ING1: variants seen among roughly 807,000 people sequenced by gnomAD.
ING1 encodes the protein inhibitor of growth family member 1, also known as inhibitor of growth protein 1.
ING1 carries 4 observed loss-of-function variants against 23.1 expected under a neutral mutation model. The observed-to-expected ratio is 0.17, with a 90% CI of 0.09 to 0.40. The LOEUF (loss-of-function observed/expected upper bound fraction) is 0.40, where lower values mean the gene tolerates loss of function less well. ING1 is among the 10% of genes least tolerant of loss of function. The pLI is 1.00. For synonymous variants in ING1, 179 were observed against 166.4 expected (o/e 1.08, Z -0.58); for missense variants, 256 against 393.8 (o/e 0.65, Z 2.96).
rs774395584 is a variant in ING1, at chr13:110,719,553, GCAA to G, written c.466_468del (p.Asn156del). On this transcript the variant is annotated inframe_deletion, in exon 2 of 2. Transcript: ENST00000333219. The surrounding 1 kb of genome is among the most constrained non-coding windows in gnomAD (Gnocchi z 8.9). ...AACAGCAAGCGCTCACGGCGGCAGC[GCAA>G]CAACGAGAACCGTGAGAACGCGTCC... The G allele has an allele frequency of 3.1e-6, 5 of 1,610,126 alleles. No individual in the cohort carries two copies. Among genetic ancestry groups the G allele is most frequent in the South Asian group, 1.1e-5 (1 of 90,874 alleles).
chr13:110,714,387 G>T, intron 1 of ING1, 102 bp downstream of exon 1: 37 of 1,150,454 alleles, frequency 3.2e-5, no homozygotes, highest in Non-Finnish European at 4.1e-5. Flanking sequence ...GGAGGAAGCG[G>T]CCGGCTCCGC....
intron 1 of ING1, chr13:110,715,722 A>G: frequency 1.9e-6 from 3 of 1,588,558 alleles, no homozygotes; most frequent in Non-Finnish European, 2.6e-6. Context: ...CGCCCTCCAA[A>G]TCGGCGATTC....
At chr13:110,713,322 G>A, upstream of ING1, 6 of 1,150,896 alleles carry the variant, frequency 5.2e-6, no homozygotes, top group Non-Finnish European at 6.4e-6. Flanking sequence ...GGAGGTTTCT[G>A]TCCCGCGGCC....
At chr13:110,715,815 C>T (rs764762395) in intron 1 of ING1, 17 of 1,585,494 alleles carry the variant, frequency 1.1e-5, no homozygotes, top group Non-Finnish European at 1.4e-5. Context: ...GGGTGTCGCC[C>T]CGGCCCCTCT....
chr13:110,715,054 CTG>C, intron 1 of ING1: 1 of 1,005,498 alleles, frequency 9.9e-7, no homozygotes, highest in Non-Finnish European at 1.2e-6. Flanking sequence ...TTGGAGAGGA[CTG>C]TGGCAGGTGA....
Position 110,720,162 on chromosome 13 carries a change from G to T in ING1, c.*230G>T. The stretch of plus-strand genomic sequence containing the variant: ...CAGCATTTTAGAAACTACAAATATA[G>T]GTTTGATTCAACACTTAAGTCTCAG... On this transcript the variant is annotated 3_prime_UTR_variant, in exon 2 of 2. Coordinates refer to ENST00000333219, the MANE Select transcript of ING1 (RefSeq NM_198219.3). 1 of 375,738 alleles carries T rather than the reference G, an allele frequency of 2.7e-6. No homozygotes were observed. 23.3% of individuals were successfully genotyped at this position (375,738 alleles called of 1,614,324 possible).
At chr13:110,712,931 C>T (rs1212346898), upstream of ING1, 1 of 1,556,810 alleles carries the variant, frequency 6.4e-7, no homozygotes, top group Non-Finnish European at 8.7e-7. Flanking sequence ...GGCGCAGGCG[C>T]GGGAGCCGCC....
At position 110,722,071 on chromosome 13, in the gene ING1, CTTTA is replaced by C. The variant is rs1313980983; in HGVS notation, c.*2143_*2146del. On this transcript the variant is annotated 3_prime_UTR_variant, in exon 2 of 2. Coordinates refer to ENST00000333219, the MANE Select transcript of ING1 (RefSeq NM_198219.3). ...ACTTGTGATAAACAATTATTGTGAA[CTTTA>C]TTTGTGCTGGACATAAGTGTCTGTT... The C allele has an allele frequency of 1.3e-5, 2 of 152,160 alleles. No homozygotes were observed. Among genetic ancestry groups the C allele is most frequent in the Non-Finnish European group, 2.9e-5 (2 of 68,016 alleles). The allele number at this position is 152,160 out of a possible 1,614,324, so 9.4% of individuals were successfully genotyped here.
intron 1 of ING1, among the ~76,000 whole-genome samples, chr13:110,716,903 G>T (rs867035633): frequency 5.3e-5 from 8 of 152,148 alleles, no homozygotes; most frequent in African/African-American, 1.9e-4. Flanking sequence ...GTACTTAGTG[G>T]CTTTGTTGAT....
upstream of ING1, chr13:110,713,528 G>A (rs1225307591): frequency 5.8e-5 from 57 of 986,284 alleles, no homozygotes; most frequent in Non-Finnish European, 6.6e-5. Context: ...AAAGTGACAG[G>A]CAAGGCCACG....
chr13:110,714,696 T>C (rs2064088125), intron 1 of ING1, among the ~76,000 whole-genome samples: 1 of 152,132 alleles, frequency 6.6e-6, no homozygotes, highest in African/African-American at 2.4e-5. Flanking sequence ...GGAGGGCGGC[T>C]GTGGGCCGGG....
intron 1 of ING1, chr13:110,715,134 G>A: frequency 8.9e-7 from 1 of 1,125,306 alleles, no homozygotes. Context: ...GCGAGTTCGT[G>A]TCCGCCGGGA....
chr13:110,715,534 G>A, intron 1 of ING1: 4 of 1,614,230 alleles, frequency 2.5e-6, no homozygotes, highest in Non-Finnish European at 3.4e-6. Flanking sequence ...AACTGGTATG[G>A]GTCTGTGTTT....
upstream of ING1, chr13:110,713,300 T>A: frequency 3.3e-6 from 4 of 1,225,054 alleles, no homozygotes; most frequent in Non-Finnish European, 4.1e-6. Context: ...AGTTGCTGTG[T>A]ACCATGGTCT....
chr13:110,713,005 C>A, upstream of ING1: 2 of 1,540,970 alleles, frequency 1.3e-6, no homozygotes. Context: ...TCTGCGGCCG[C>A]AGCTCAAAGG....
At chr13:110,712,980 AG>A (rs772352303), upstream of ING1, 23 of 1,555,964 alleles carry the variant, frequency 1.5e-5, no homozygotes, top group Non-Finnish European at 2.0e-5. Flanking sequence ...CGGAATGGGT[AG>A]GTCTCCCGCG....
upstream of ING1, chr13:110,712,965 G>C (rs1270416204): frequency 1.2e-5 from 18 of 1,560,070 alleles, no homozygotes; most frequent in East Asian, 7.2e-5. Context: ...GTGGTGGTCC[G>C]GCCGCGGAAT....
chr13:110,720,342 T>C lies in ING1; in HGVS notation c.*410T>C, dbSNP rs1421800624. 5.9e-6 allele frequency: 1 copy of C among 168,608 alleles called. No homozygotes were observed. Among genetic ancestry groups the C allele is most frequent in the East Asian group, 1.9e-4 (1 of 5,250 alleles). The allele number at this position is 168,608 out of a possible 1,614,324, so 10.4% of individuals were successfully genotyped here. A position where few individuals can be genotyped will look rare whatever the true frequency, so the allele number is the denominator to read the frequency against. ...TGGCCATGTCGCCAAAAATACAGCCTATAGTAAATGTGTTTCTTGCTGCCA... is the reference window on the plus strand; with the variant it reads ...TGGCCATGTCGCCAAAAATACAGCCCATAGTAAATGTGTTTCTTGCTGCCA... On this transcript the variant is annotated 3_prime_UTR_variant, in exon 2 of 2. Coordinates refer to ENST00000333219, the MANE Select transcript of ING1 (RefSeq NM_198219.3).
At position 110,713,792 on chromosome 13, in the gene ING1, T is replaced by A; in HGVS notation, c.-358T>A. 1.0e-6 allele frequency: 1 copy of A among 984,462 alleles called. No homozygotes were observed. Among genetic ancestry groups the A allele is most frequent in the Non-Finnish European group, 1.2e-6 (1 of 829,452 alleles). The allele number at this position is 984,462 out of a possible 1,614,324, so 61.0% of individuals were successfully genotyped here. The stretch of plus-strand genomic sequence containing the variant: ...CGCTCCTCTCTTCTACCCAGCCCAG[T>A]GGGCGAGTGGGCAGCGGCGGCCGCG... On this transcript the variant is annotated 5_prime_UTR_variant, in exon 1 of 2. Coordinates refer to ENST00000333219, the MANE Select transcript of ING1 (RefSeq NM_198219.3).
Sources: allele counts gnomAD v4.1 joint callset (sites outside exome capture counted in the v4.1 genomes callset), GRCh38; gene constraint gnomAD v4.1.1; non-coding constraint Gnocchi (gnomAD v3.1); transcripts MANE v1.5; gene names NCBI Gene and HGNC (gene_info 2026-07-23, HGNC 2026-07-21).